Variants in COL6A3 observed in about 807,000 individuals in gnomAD.
The protein encoded by COL6A3 is collagen type VI alpha 3 chain, also known as collagen alpha-3(VI) chain.
Under a neutral mutation model 274.1 loss-of-function variants are expected in COL6A3, and 137 were observed. That is an observed-to-expected ratio of 0.50 (90% CI 0.44 to 0.58). COL6A3 has a LOEUF of 0.58. COL6A3 is among the 20% of genes least tolerant of loss of function. COL6A3 has a pLI of 0.00. For missense variants in COL6A3, 3,950 were observed against 4,124.9 expected (o/e 0.96, Z 1.16); for synonymous variants, 1,650 against 1,650.6 (o/e 1.00, Z 0.01).
rs73998897 is a variant in COL6A3, at chr2:237,379,714, T to C, written c.1898-479A>G. 5.4e-3 allele frequency among the ~76,000 whole-genome samples: 827 copies of C among 152,228 alleles called. 6 individuals carry two copies. Among genetic ancestry groups the C allele is most frequent in the African/African-American group, 0.019 (797 of 41,538 alleles). On this transcript the variant is annotated intron_variant, in intron 5 of 43. Transcript: ENST00000295550. ...CACTAACCTGAGAAAACGAGTTCCT[T>C]AAGGCTAAAAAAAATAGCAAAAGTA...
Position 237,366,097 on chromosome 2 carries a change from A to G in COL6A3, c.5501-62T>C, listed in dbSNP as rs1224526081. The stretch of plus-strand genomic sequence containing the variant: ...GGGGCTGAGGAGACGAACTCTACTT[A>G]TACCAGCAGTAGGGACAACCCAGGC... On this transcript the variant is annotated intron_variant, in intron 11 of 43. Coordinates refer to ENST00000295550, the MANE Select transcript of COL6A3 (RefSeq NM_004369.4). 8 of 1,463,756 alleles carry G rather than the reference A, an allele frequency of 5.5e-6. No individual in the cohort carries two copies. In the East Asian group the frequency reaches 1.8e-4, roughly 33 times the overall value. The allele number at this position is 1,463,756 out of a possible 1,614,324, so 90.7% of individuals were successfully genotyped here.
At chr2:237,357,470 C>T (rs2077343225) in intron 22 of COL6A3, 79 bp from the exon 23 acceptor site, 3 of 1,317,174 alleles carry the variant, frequency 2.3e-6, no homozygotes, top group South Asian at 1.2e-5. Context: ...CAAGACATTG[C>T]AGGGAAAGGG....
At chr2:237,389,189 G>A (rs563612552) in intron 3 of COL6A3, among the ~76,000 whole-genome samples, 1 of 152,284 alleles carries the variant, frequency 6.6e-6, no homozygotes, top group Middle Eastern at 3.4e-3. Flanking sequence ...GCTGAGAACG[G>A]GGTTATATAG....
intron 5 of COL6A3, 125 bp downstream of exon 5, chr2:237,380,790 C>T (rs973411215): frequency 1.0e-5 from 9 of 884,200 alleles, no homozygotes; most frequent in African/African-American, 8.2e-5. Flanking sequence ...AAATCATGTT[C>T]GTTGCTGCTG....
chr2:237,326,374 C>T (rs1699941658), intron 42 of COL6A3: 1 of 152,144 alleles, frequency 6.6e-6, no homozygotes, highest in Non-Finnish European at 1.5e-5. Flanking sequence ...GCAAAAATGT[C>T]ACATAGCAGA....
rs570963533 is a variant in COL6A3 at position 237,344,467 on chromosome 2, G to A, written c.7551C>T (p.Asn2517=). 4.8e-5 allele frequency: 78 copies of A among 1,614,078 alleles called. 1 individual carries two copies. Among genetic ancestry groups the A allele is most frequent in the Admixed American group, 1.3e-4 (8 of 60,004 alleles). ...LMRKVAVFFS[N]TPTRASPQLR... is the part of the protein sequence containing the mutation. ...GCTGTGGGGATGCTCTTGTGGGTGT[G>A]TTGCTGAAGAAAACAGCCACTTTCC... The change falls in exon 36 of 44, where the codon AAC becomes AAT. Residue 2517 remains asparagine, a synonymous_variant. Transcript: ENST00000295550. This position sits in a 1 kb window ranked among gnomAD's most constrained non-coding sequence, Gnocchi z 4.8.
chr2:237,327,535 A>G (rs1700014694), intron 42 of COL6A3: 1 of 152,138 alleles, frequency 6.6e-6, no homozygotes, highest in African/African-American at 2.4e-5. Flanking sequence ...TTCTGCCCTT[A>G]TTTCAGTGAG....
intron 4 of COL6A3, among the ~76,000 whole-genome samples, chr2:237,385,610 A>G (rs748445569): frequency 2.6e-5 from 4 of 152,314 alleles, no homozygotes; most frequent in Middle Eastern, 3.4e-3. Context: ...CGGTGTCTGC[A>G]AAACATAGGG....
intron 1 of COL6A3, among the ~76,000 whole-genome samples, chr2:237,404,375 A>G (rs1032382980): frequency 3.3e-5 from 5 of 152,202 alleles, no homozygotes; most frequent in Admixed American, 3.3e-4. Context: ...CACTGCTTCA[A>G]TTAAAAATTT....
At position 237,324,743 on chromosome 2, in the gene COL6A3, T is replaced by C; in HGVS notation, c.*31A>G. 3.1e-6 allele frequency: 5 copies of C among 1,612,312 alleles called. No homozygotes were observed. The highest frequency in any genetic ancestry group is 4.2e-6 in the Non-Finnish European group (5 of 1,178,650). ...TTGGCGATGGCTGACTCCTTCTTCT[T>C]CAAGAGGTATATGATGTTGGCCACC... On this transcript the variant is annotated 3_prime_UTR_variant, in exon 44 of 44. Coordinates refer to ENST00000295550, the MANE Select transcript of COL6A3 (RefSeq NM_004369.4).
intron 27 of COL6A3, among the ~76,000 whole-genome samples, 180 bp from the exon 28 acceptor site, chr2:237,350,389 G>T (rs2077180692): frequency 6.6e-6 from 1 of 152,190 alleles, no homozygotes; most frequent in Non-Finnish European, 1.5e-5. Flanking sequence ...AAGAATCCAG[G>T]AGGGTTTTGT....
chr2:237,402,630 G>A (rs1038475561), intron 1 of COL6A3, among the ~76,000 whole-genome samples: 1 of 152,138 alleles, frequency 6.6e-6, no homozygotes, highest in Admixed American at 6.5e-5. Context: ...TTCTAAATAA[G>A]ATTTGGAAAG....
At chr2:237,353,934 A>G (rs553749085) in intron 24 of COL6A3, among the ~76,000 whole-genome samples, 1 of 152,328 alleles carries the variant, frequency 6.6e-6, no homozygotes, top group Admixed American at 6.5e-5. Flanking sequence ...CGCTAAGCCA[A>G]AGGGAAAAGT....
Position 237,374,644 on chromosome 2 carries a change from C to G in COL6A3, c.3447G>C (p.Arg1149=). ...CCCTCTTCACGACCACGGAGGGGTT[C>G]CGCACATCATCCCCAGACCTGTCGG... The part of the protein sequence containing the change: ...LTADRSGDDV[R]NPSVVVKRGG... The change falls in exon 8 of 44, where the codon CGG becomes CGC. Residue 1149 remains arginine (R), a synonymous_variant. Coordinates refer to ENST00000295550, the MANE Select transcript of COL6A3 (RefSeq NM_004369.4). This position sits in a 1 kb window ranked among gnomAD's most constrained non-coding sequence, Gnocchi z 4.8. 8 of 1,614,180 alleles carry G rather than the reference C, an allele frequency of 5.0e-6. No individual in the cohort carries two copies. Among genetic ancestry groups the G allele is most frequent in the Non-Finnish European group, 6.8e-6 (8 of 1,180,044 alleles).
intron 3 of COL6A3, among the ~76,000 whole-genome samples, chr2:237,390,337 G>T (rs759025238): frequency 6.6e-6 from 1 of 152,126 alleles, no homozygotes; most frequent in Non-Finnish European, 1.5e-5. Context: ...ATAGAAACAC[G>T]TTGGATAATT....
At chr2:237,363,423 C>T in intron 13 of COL6A3, 25 bp from the exon 14 acceptor site, 1 of 1,614,032 alleles carries the variant, frequency 6.2e-7, no homozygotes, top group Non-Finnish European at 8.5e-7. Flanking sequence ...ACATTTAATA[C>T]AGCTCACCTA....
intron 32 of COL6A3, among the ~76,000 whole-genome samples, chr2:237,346,158 C>T (rs928609046): frequency 2.0e-5 from 3 of 152,186 alleles, no homozygotes; most frequent in Non-Finnish European, 2.9e-5. Flanking sequence ...GGCATAATTA[C>T]ACTGCTTCTA....
intron 7 of COL6A3, among the ~76,000 whole-genome samples, chr2:237,376,303 A>G (rs2077838134): frequency 6.6e-6 from 1 of 152,250 alleles, no homozygotes; most frequent in African/African-American, 2.4e-5. Context: ...ATTTTAATGC[A>G]GAGTTTATGG....
intron 1 of COL6A3, among the ~76,000 whole-genome samples, chr2:237,399,077 C>T (rs1312769817): frequency 6.6e-6 from 1 of 152,126 alleles, no homozygotes; most frequent in Non-Finnish European, 1.5e-5. Context: ...CACCTTGGTG[C>T]TCAATAGCAC....
Sources: gnomAD v4.1 joint callset for allele counts (sites outside exome capture counted in the v4.1 genomes callset) on GRCh38, gnomAD v4.1.1 for gene constraint, Gnocchi (gnomAD v3.1) non-coding constraint, MANE v1.5 for transcripts, NCBI Gene and HGNC (gene_info 2026-07-23, HGNC 2026-07-21) for gene names.